Variants in MYO18B observed in about 807,000 individuals in gnomAD.
The protein encoded by MYO18B is unconventional myosin-XVIIIb.
In MYO18B, 204 loss-of-function variants were observed where a neutral mutation model predicts 273.0. The observed-to-expected ratio is 0.75, with a 90% CI of 0.67 to 0.84. MYO18B has a LOEUF of 0.84. MYO18B is among the 40% of genes least tolerant of loss of function. The pLI, the probability that MYO18B is intolerant of heterozygous loss-of-function variation, is 0.00. For missense variants in MYO18B, 3,212 were observed against 3,287.6 expected (o/e 0.98, Z 0.56); for synonymous variants, 1,330 against 1,305.7 (o/e 1.02, Z -0.40).
chr22:25,882,234 GGATA>G (rs1216158281), intron 25 of MYO18B, among the ~76,000 whole-genome samples: 2 of 150,432 alleles, frequency 1.3e-5, no homozygotes, highest in African/African-American at 2.5e-5. Flanking sequence ...CCCTGGCACA[GGATA>G]GATAAAGAAT....
intron 12 of MYO18B, among the ~76,000 whole-genome samples, chr22:25,820,459 C>T (rs759302247): frequency 9.2e-5 from 14 of 152,032 alleles, no homozygotes; most frequent in Non-Finnish European, 1.6e-4. Context: ...TTGAAAAATC[C>T]CTGTTGGTGG....
chr22:25,859,773 G>T lies in MYO18B; in HGVS notation c.3885+8194G>T, dbSNP rs917681290. On this transcript the variant is annotated intron_variant, in intron 21 of 43. Coordinates refer to ENST00000335473, the MANE Select transcript of MYO18B (RefSeq NM_032608.7). ...TTCTAGACATAATTATTTATCAGAT[G>T]TATCTTTGAAAATATTTTCTTCCAG... 3.3e-5 allele frequency among the ~76,000 whole-genome samples: 5 copies of T among 152,052 alleles called. 1 individual carries two copies. The South Asian group carries it at 6.2e-4, about 19-fold the overall frequency.
chr22:25,809,031 C>T (rs916621941), intron 12 of MYO18B, among the ~76,000 whole-genome samples: 7 of 152,134 alleles, frequency 4.6e-5, no homozygotes, highest in Non-Finnish European at 1.5e-5. Flanking sequence ...GCAACCTCCG[C>T]CTCCTGGGTT....
chr22:25,768,736 G>C lies in MYO18B; in HGVS notation c.820G>C (p.Gly274Arg), dbSNP rs760716300. ...GACCAGGCCCCAAGCCCAAGGGCCC[G>C]GCGAGGGGGTGCGACCAGGGAAAGC... Reference protein sequence around the residue: ...QGTRPQAQGPGEGVRPGKAEK... With the variant: ...QGTRPQAQGPREGVRPGKAEK... Residue 274 changes from glycine (G) to arginine (R), a missense_variant, in exon 4 of 44, where the codon GGC (glycine) becomes CGC (arginine). By Grantham distance (125) the Gly-to-Arg change is moderately radical (BLOSUM62 -2). Transcript: ENST00000335473. 1 of 1,599,728 alleles carries C rather than the reference G, an allele frequency of 6.3e-7. No individual in the cohort carries two copies. The highest frequency in any genetic ancestry group is 8.5e-7 in the Non-Finnish European group (1 of 1,173,226).
In MYO18B at chr22:25,760,981, C is replaced by A; in HGVS notation, c.-109-3C>A. On this transcript the variant is annotated splice_region_variant and splice_polypyrimidine_tract_variant and intron_variant, in intron 1 of 43. Transcript: ENST00000335473. ...CTCTCCCCACTGTGTCCCTGTGTGTCAGTTCTGTGTCCATCTCATGTGCTG... is the reference window on the plus strand; with the variant it reads ...CTCTCCCCACTGTGTCCCTGTGTGTAAGTTCTGTGTCCATCTCATGTGCTG... 1 of 1,178,274 alleles carries A rather than the reference C, an allele frequency of 8.5e-7. No individual in the cohort carries two copies. The highest frequency in any genetic ancestry group is 1.3e-6 in the Non-Finnish European group (1 of 795,584). The allele number at this position is 1,178,274 out of a possible 1,614,324, so 73.0% of individuals were successfully genotyped here.
chr22:25,941,377 A>G (rs999749813), intron 34 of MYO18B, among the ~76,000 whole-genome samples: 1 of 152,166 alleles, frequency 6.6e-6, no homozygotes, highest in Non-Finnish European at 1.5e-5. Context: ...GAGAGTGAAC[A>G]TCAATAATTC....
intron 9 of MYO18B, 81 bp from the exon 10 acceptor site, chr22:25,781,653 G>A: frequency 1.3e-6 from 1 of 776,992 alleles, no homozygotes; most frequent in Non-Finnish European, 1.8e-6. Context: ...GCACCCCAAT[G>A]GGGCTTCTGG....
At chr22:25,833,137 G>A in intron 16 of MYO18B, 140 bp downstream of exon 16, 1 of 741,054 alleles carries the variant, frequency 1.3e-6, no homozygotes, top group Non-Finnish European at 2.3e-6. Context: ...CAACGTGGAT[G>A]CCTGGGACCC....
At chr22:25,803,459 T>C (rs2088314153) in intron 12 of MYO18B, among the ~76,000 whole-genome samples, 1 of 152,006 alleles carries the variant, frequency 6.6e-6, no homozygotes, top group African/African-American at 2.4e-5. Context: ...GCTCAGAAAA[T>C]TCTAGTAGAA....
intron 12 of MYO18B, among the ~76,000 whole-genome samples, chr22:25,809,950 T>C (rs924403931): frequency 2.7e-5 from 4 of 150,832 alleles, no homozygotes; most frequent in Non-Finnish European, 5.9e-5. Flanking sequence ...AATACGTCAA[T>C]GTTGTATGTC....
intron 25 of MYO18B, among the ~76,000 whole-genome samples, chr22:25,885,992 G>A (rs1022149373): frequency 6.6e-6 from 1 of 152,216 alleles, no homozygotes; most frequent in Non-Finnish European, 1.5e-5. Flanking sequence ...GCACTTGTTA[G>A]TTCAGTCAAC....
In MYO18B at chr22:25,911,565, A is replaced by G. The variant is rs548098552; in HGVS notation, c.5364+515A>G. 2.0e-5 allele frequency among the ~76,000 whole-genome samples: 3 copies of G among 152,300 alleles called. No homozygotes were observed. In the South Asian group the frequency reaches 6.2e-4, roughly 32 times the overall value. On this transcript the variant is annotated intron_variant, in intron 33 of 43. Transcript: ENST00000335473. ...ACACCAGGGTTCTCGACTGTCCATC[A>G]GTGTACACCAGGGTCCTCAACTGCA...
At chr22:26,031,086 C>T (rs1242646999), downstream of MYO18B, 3 of 396,162 alleles carry the variant, frequency 7.6e-6, no homozygotes, top group East Asian at 3.6e-5. Context: ...TACAAATGTG[C>T]ACCCACATCA....
chr22:25,879,680 G>C (rs757793225), intron 25 of MYO18B, among the ~76,000 whole-genome samples: 1 of 152,302 alleles, frequency 6.6e-6, no homozygotes, highest in South Asian at 2.1e-4. Context: ...AAAGTCATAT[G>C]CTGTGCTAGT....
chr22:25,798,845 A>T (rs1386079452), intron 12 of MYO18B, among the ~76,000 whole-genome samples: 1 of 152,148 alleles, frequency 6.6e-6, no homozygotes, highest in Non-Finnish European at 1.5e-5. Context: ...GATTACAGGC[A>T]TGAGCCACTG....
chr22:25,846,274 G>T lies in MYO18B; in HGVS notation c.3543G>T (p.Lys1181Asn). The change falls in exon 19 of 44, where the codon AAG (lysine) becomes AAT (asparagine). Residue 1181 changes from lysine to asparagine, a missense_variant. Physicochemically the swap from Lys to Asn is moderately conservative, Grantham distance 94. Coordinates refer to ENST00000335473, the MANE Select transcript of MYO18B (RefSeq NM_032608.7). ...VRRKAPCSQIKLQMDALTSMI... is the reference protein window; with the variant it reads ...VRRKAPCSQINLQMDALTSMI... ...GGAAAGCCCCGTGCTCCCAGATCAA[G>T]CTGCAGATGGTGAGTGGGCACCCTG... 1 of 1,611,400 alleles carries T rather than the reference G, an allele frequency of 6.2e-7. No individual in the cohort carries two copies.
intron 34 of MYO18B, among the ~76,000 whole-genome samples, chr22:25,927,457 C>T (rs180940791): frequency 9.9e-5 from 15 of 152,210 alleles, no homozygotes; most frequent in East Asian, 3.9e-4. Context: ...AGGAAATTCC[C>T]GCCTAATAAA....
chr22:25,934,533 A>G (rs2092552156), intron 34 of MYO18B, among the ~76,000 whole-genome samples: 1 of 152,152 alleles, frequency 6.6e-6, no homozygotes, highest in Admixed American at 6.5e-5. Context: ...CGCCTGTGAC[A>G]GCCTCAGGAA....
the MYO18B span, among the ~76,000 whole-genome samples, chr22:26,036,928 T>C: frequency 1.9e-4 from 29 of 152,288 alleles, no homozygotes; most frequent in African/African-American, 6.3e-4. Flanking sequence ...TAATGACTTT[T>C]CCCCATACCA....
Sources: allele counts gnomAD v4.1 joint callset (sites outside exome capture counted in the v4.1 genomes callset), GRCh38; gene constraint gnomAD v4.1.1; transcripts MANE v1.5; gene names NCBI Gene and HGNC (gene_info 2026-07-23, HGNC 2026-07-21).